BSND: variants seen among roughly 807,000 people sequenced by gnomAD.
BSND encodes barttin CLCNK type accessory subunit beta.
A neutral mutation model predicts 18.8 loss-of-function variants in BSND; 13 were observed. The ratio of observed to expected loss-of-function variants is 0.69; its 90% confidence interval spans 0.45 to 1.10. The LOEUF (loss-of-function observed/expected upper bound fraction) is 1.10, where lower values mean the gene tolerates loss of function less well. Among genes scored for constraint, BSND ranks in the 50% least tolerant of loss-of-function variants. The pLI is 0.00. For missense variants in BSND, 379 were observed against 416.7 expected (o/e 0.91, Z 0.79); for synonymous variants, 170 against 161.8 (o/e 1.05, Z -0.39).
rs1644454606 is a variant in BSND, at chr1:55,017,018, C to T, written c.*8390C>T. ...AGCATTTATTACCATCATAATTTTA[C>T]ATTTCTTTGTGAATTTCTTTGATGA... On this transcript the variant is annotated 3_prime_UTR_variant, in exon 4 of 4. Transcript: ENST00000651561. 1.3e-5 allele frequency among the ~76,000 whole-genome samples: 2 copies of T among 152,320 alleles called. No individual in the cohort carries two copies. The highest frequency in any genetic ancestry group is 1.5e-5 in the Non-Finnish European group (1 of 68,030).
At chr1:55,007,506 C>A (rs891923096) in intron 3 of BSND, among the ~76,000 whole-genome samples, 5 of 152,150 alleles carry the variant, frequency 3.3e-5, no homozygotes, top group Non-Finnish European at 5.9e-5. Context: ...AGGTTCCTTA[C>A]TTTCCCTAGC....
intron 1 of BSND, among the ~76,000 whole-genome samples, chr1:55,000,583 T>G (rs982727608): frequency 6.6e-6 from 1 of 152,182 alleles, no homozygotes; most frequent in Non-Finnish European, 1.5e-5. Flanking sequence ...TGCTCAGGGT[T>G]TCAGGGAAGA....
rs1007278350 is a variant in BSND at position 55,008,730 on chromosome 1, G to C, written c.*102G>C. ...ATCTGCAAAATGGGATGATATGGAG[G>C]TTCAATGAGATGGTGGCATTTTGAG... On this transcript the variant is annotated 3_prime_UTR_variant, in exon 4 of 4. Coordinates refer to ENST00000651561, the MANE Select transcript of BSND (RefSeq NM_057176.3). The C allele has an allele frequency of 2.6e-6, 4 of 1,526,100 alleles. No individual in the cohort carries two copies. The African/African-American group carries it at 4.1e-5, about 16-fold the overall frequency. The allele number at this position is 1,526,100 out of a possible 1,614,324, so 94.5% of individuals were successfully genotyped here. A position where few individuals can be genotyped will look rare whatever the true frequency, so the allele number is the denominator to read the frequency against.
At chr1:55,006,935 G>A (rs1449917439) in intron 2 of BSND, 62 bp from the exon 3 acceptor site, 2 of 1,610,448 alleles carry the variant, frequency 1.2e-6, no homozygotes, top group African/African-American at 2.7e-5. Flanking sequence ...ACAGGGCCGG[G>A]GAGAACACTG....
chr1:55,012,633 G>A lies in BSND; in HGVS notation c.*4005G>A, dbSNP rs1318871113. On this transcript the variant is annotated 3_prime_UTR_variant, in exon 4 of 4. Transcript: ENST00000651561. ...TCTCTTCCCTCATCTATGCATCAGG[G>A]AGCCACTGTCCTGCCTATAAATAAA... Among the ~76,000 whole-genome samples, 3 of 152,204 alleles carry A rather than the reference G, an allele frequency of 2.0e-5. No individual in the cohort carries two copies. Among genetic ancestry groups the A allele is most frequent in the African/African-American group, 7.2e-5 (3 of 41,464 alleles).
chr1:55,005,120 G>T lies in BSND; in HGVS notation c.272+4G>T. 8 of 1,614,068 alleles carry T rather than the reference G, an allele frequency of 5.0e-6. No individual in the cohort carries two copies. The highest frequency in any genetic ancestry group is 6.8e-6 in the Non-Finnish European group (8 of 1,179,984). On this transcript the variant is annotated splice_donor_region_variant and intron_variant, in intron 2 of 3. Transcript: ENST00000651561. ...GGCTTGCTGCCGAGATGAAGAGGTA[G>T]GTGCCAGGCCCTCTCGGGAGGGGAG...
At position 55,007,075 on chromosome 1, in the gene BSND, C is replaced by A. The variant is rs1286768171; in HGVS notation, c.351C>A (p.Ile117=). The change falls in exon 3 of 4, where the codon ATC becomes ATA. Residue 117 remains isoleucine, a synonymous_variant. Coordinates refer to ENST00000651561, the MANE Select transcript of BSND (RefSeq NM_057176.3). The stretch of plus-strand genomic sequence containing the variant: ...AGAGCCTGCCTGACTTCAGCCACAT[C>A]CAGATGAAAGTCATGAGCTACAGTG... ...YDQSLPDFSH[I]QMKVMSYSED... is the part of the protein sequence containing the mutation. The A allele has an allele frequency of 3.2e-5, 51 of 1,614,186 alleles. No individual in the cohort carries two copies. Among genetic ancestry groups the A allele is most frequent in the Non-Finnish European group, 4.2e-5 (49 of 1,180,038 alleles).
chr1:55,007,371 G>A (rs1644397228), intron 3 of BSND, 99 bp downstream of exon 3: 2 of 1,385,724 alleles, frequency 1.4e-6, no homozygotes, highest in Admixed American at 5.4e-5. Flanking sequence ...GACACTGGGG[G>A]TAAGGAGAGG....
At chr1:54,999,850 A>T (rs116045965) in intron 1 of BSND, among the ~76,000 whole-genome samples, 157 of 152,152 alleles carry the variant, frequency 1.0e-3, no homozygotes, top group African/African-American at 3.7e-3. Context: ...GTCACCCTTC[A>T]CCTTGGGTCT....
chr1:55,000,457 G>T (rs941097082), intron 1 of BSND, among the ~76,000 whole-genome samples: 4 of 151,522 alleles, frequency 2.6e-5, no homozygotes, highest in Admixed American at 6.6e-5. Context: ...GAGTTAGGAG[G>T]GGGGGGTGGG....
Position 55,010,428 on chromosome 1 carries a change from G to T in BSND, c.*1800G>T, listed in dbSNP as rs1557487016. ...GCCCCAGCCCAGGATCCTGGCAGCT[G>T]CAGAGAAAATGGCAGTAACACTACC... On this transcript the variant is annotated 3_prime_UTR_variant, in exon 4 of 4. Transcript: ENST00000651561. 6.6e-6 allele frequency: 1 copy of T among 152,350 alleles called. No homozygotes were observed. The highest frequency in any genetic ancestry group is 1.5e-5 in the Non-Finnish European group (1 of 68,168). The allele number at this position is 152,350 out of a possible 1,614,324, so 9.4% of individuals were successfully genotyped here. A position where few individuals can be genotyped will look rare whatever the true frequency, so the allele number is the denominator to read the frequency against.
chr1:55,007,127 G>A lies in BSND; in HGVS notation c.403G>A (p.Glu135Lys). The A allele has an allele frequency of 6.2e-7, 1 of 1,614,230 alleles. No homozygotes were observed. The highest frequency in any genetic ancestry group is 8.5e-7 in the Non-Finnish European group (1 of 1,180,042). ...GGACCACCGCTCCTTGCTGGCCCCT[G>A]AGATGGGGCAGCCGAAGCTGGGAAC... ...SEDHRSLLAPEMGQPKLGTSD... is the reference protein window; with the variant it reads ...SEDHRSLLAPKMGQPKLGTSD... Residue 135 changes from glutamate (E) to lysine (K), a missense_variant, in exon 3 of 4, where the codon GAG (glutamate) becomes AAG (lysine). Glu to Lys is a moderately conservative substitution (Grantham distance 56). Transcript: ENST00000651561.
chr1:55,007,830 G>A (rs1371604633), intron 3 of BSND, among the ~76,000 whole-genome samples: 1 of 152,140 alleles, frequency 6.6e-6, no homozygotes, highest in Non-Finnish European at 1.5e-5. Context: ...AGCCTTCACT[G>A]GAATCTACCC....
Position 55,008,827 on chromosome 1 carries a change from C to A in BSND, c.*199C>A. On this transcript the variant is annotated 3_prime_UTR_variant, in exon 4 of 4. Coordinates refer to ENST00000651561, the MANE Select transcript of BSND (RefSeq NM_057176.3). Reference sequence around the variant, plus strand: ...TCTTGTTTTTCCAATAGTTAGTGGTCTTTGGCCAACCTTTGAAGGCAAAAT... The same window carrying A: ...TCTTGTTTTTCCAATAGTTAGTGGTATTTGGCCAACCTTTGAAGGCAAAAT... 1 of 805,766 alleles carries A rather than the reference C, an allele frequency of 1.2e-6. No homozygotes were observed. Among genetic ancestry groups the A allele is most frequent in the Non-Finnish European group, 1.9e-6 (1 of 513,776 alleles). 49.9% of individuals were successfully genotyped at this position (805,766 alleles called of 1,614,324 possible). A position where few individuals can be genotyped will look rare whatever the true frequency, so the allele number is the denominator to read the frequency against.
In BSND at chr1:55,010,951, TGAGGCCTTACGCCTGACGGGCACCA is replaced by T. The variant is rs1644419370; in HGVS notation, c.*2330_*2354del. 1.3e-5 allele frequency: 2 copies of T among 152,264 alleles called. No homozygotes were observed. The highest frequency in any genetic ancestry group is 2.9e-5 in the Non-Finnish European group (2 of 68,060). 9.4% of individuals were successfully genotyped at this position (152,264 alleles called of 1,614,324 possible). ...ACCCCTTCCCTCGGGGCAGGATACGTGAGGCCTTACGCCTGACGGGCACCAGAGGCCCTCTTCCGGAAGTAAGCCC... is the reference window on the plus strand; with the variant it reads ...ACCCCTTCCCTCGGGGCAGGATACGTGAGGCCCTCTTCCGGAAGTAAGCCC... On this transcript the variant is annotated 3_prime_UTR_variant, in exon 4 of 4. Transcript: ENST00000651561.
rs1463073048 is a variant in BSND, at chr1:55,007,225, C to T, written c.501C>T (p.Gly167=). 3.1e-6 allele frequency: 5 copies of T among 1,613,240 alleles called. No homozygotes were observed. Among genetic ancestry groups the T allele is most frequent in the Non-Finnish European group, 4.2e-6 (5 of 1,179,246 alleles). ...WMEAAVVIHK[G]SDESEGERRL... is the part of the protein sequence containing the mutation. ...AGGCTGCCGTGGTCATCCACAAGGG[C>T]TCAGACGAGAGTGAAGGGGAAAGAC... The change falls in exon 3 of 4, where the codon GGC becomes GGT. Residue 167 remains glycine (G), a synonymous_variant. Coordinates refer to ENST00000651561, the MANE Select transcript of BSND (RefSeq NM_057176.3).
At position 55,012,867 on chromosome 1, in the gene BSND, G is replaced by C. The variant is rs1459392783; in HGVS notation, c.*4239G>C. On this transcript the variant is annotated 3_prime_UTR_variant, in exon 4 of 4. Coordinates refer to ENST00000651561, the MANE Select transcript of BSND (RefSeq NM_057176.3). ...CCCTGGAAGCTTGGAGGAGGAGCAG[G>C]ATTGCTTGTGCTGTCAGACAGGTGT... Among the ~76,000 whole-genome samples the C allele has an allele frequency of 6.6e-6, 1 of 152,212 alleles. No individual in the cohort carries two copies. The highest frequency in any genetic ancestry group is 1.5e-5 in the Non-Finnish European group (1 of 68,032).
Position 55,008,283 on chromosome 1 carries a change from T to C in BSND, c.618T>C (p.Ser206=). 3 of 1,614,146 alleles carry C rather than the reference T, an allele frequency of 1.9e-6. No homozygotes were observed. Among genetic ancestry groups the C allele is most frequent in the South Asian group, 1.1e-5 (1 of 91,080 alleles). ...AAGATGACCTGGACATGGACTCCAG[T>C]GAAGGCAGCAGCCCCAATGCATCTC... The part of the protein sequence containing the change: ...SFQDDLDMDS[S]EGSSPNASPH... The change falls in exon 4 of 4, where the codon AGT becomes AGC. Residue 206 remains serine, a synonymous_variant. Transcript: ENST00000651561.
rs1644452044 is a variant in BSND at position 55,016,486 on chromosome 1, T to C, written c.*7858T>C. 6.6e-6 allele frequency among the ~76,000 whole-genome samples: 1 copy of C among 152,246 alleles called. No homozygotes were observed. Among genetic ancestry groups the C allele is most frequent in the South Asian group, 2.1e-4 (1 of 4,832 alleles). On this transcript the variant is annotated 3_prime_UTR_variant, in exon 4 of 4. Transcript: ENST00000651561. ...ACAGAGCTCTTTCTGACGTTGCTGA[T>C]GTGAATGGGAGTGGTGGCAGCTTTT...
Sources: gnomAD v4.1 joint callset for allele counts (sites outside exome capture counted in the v4.1 genomes callset) on GRCh38, gnomAD v4.1.1 for gene constraint, MANE v1.5 for transcripts, NCBI Gene and HGNC (gene_info 2026-07-23, HGNC 2026-07-21) for gene names.